MEF2A: variants seen among roughly 807,000 people sequenced by gnomAD.
MEF2A encodes myocyte-specific enhancer factor 2A.
A neutral mutation model predicts 55.8 loss-of-function variants in MEF2A; 28 were observed. That is an observed-to-expected ratio of 0.50 (90% CI 0.37 to 0.69). The LOEUF is 0.69. MEF2A is among the 30% of genes least tolerant of loss of function. MEF2A has a pLI of 0.00. For synonymous variants in MEF2A, 239 were observed against 227.1 expected (o/e 1.05, Z -0.47); for missense variants, 528 against 626.2 (o/e 0.84, Z 1.67).
rs573835478 is a variant in MEF2A, at chr15:99,684,040, G to A, written c.671-6201G>A. 1.8e-3 allele frequency among the ~76,000 whole-genome samples: 271 copies of A among 152,104 alleles called. 1 individual carries two copies. Among genetic ancestry groups the A allele is most frequent in the Admixed American group, 2.9e-3 (44 of 15,274 alleles). ...AGGTTGCTGCAAATGCCATTATTTT[G>A]TTCCCTTTTATGGCTTAGTAGTATT... On this transcript the variant is annotated intron_variant, in intron 7 of 11. Transcript: ENST00000557942.
Position 99,571,097 on chromosome 15 carries a change from T to C in MEF2A, c.-225+4993T>C, listed in dbSNP as rs376080698. ...CACTCTGGAGGCTTAGGCACGAGAATCGCTTGAACCCAGGAGGCAGAGGTT... is the reference window on the plus strand; with the variant it reads ...CACTCTGGAGGCTTAGGCACGAGAACCGCTTGAACCCAGGAGGCAGAGGTT... On this transcript the variant is annotated intron_variant, in intron 1 of 11. Coordinates refer to ENST00000557942, the MANE Select transcript of MEF2A (RefSeq NM_001319206.4). Among the ~76,000 whole-genome samples, 457 of 151,686 alleles carry C rather than the reference T, an allele frequency of 3.0e-3. 3 individuals are homozygous for C. The highest frequency in any genetic ancestry group is 0.01 in the African/African-American group (428 of 41,344).
rs138206909 is a variant in MEF2A at position 99,623,900 on chromosome 15, C to T, written c.-142-9078C>T. 6.5e-3 allele frequency among the ~76,000 whole-genome samples: 979 copies of T among 151,760 alleles called. 4 individuals carry two copies. Among genetic ancestry groups the T allele is most frequent in the Non-Finnish European group, 0.012 (792 of 67,958 alleles). ...ATGGCTCACTGCAATCTCCGCTTCC[C>T]GGGTTCAAGTGATTCTACTGCCTCA... is the stretch of plus-strand genomic sequence containing the variant. On this transcript the variant is annotated intron_variant, in intron 2 of 11. Transcript: ENST00000557942.
rs115653615 is a variant in MEF2A, at chr15:99,625,893, C to T, written c.-142-7085C>T. 6.4e-3 allele frequency among the ~76,000 whole-genome samples: 978 copies of T among 152,044 alleles called. 10 individuals carry two copies. The highest frequency in any genetic ancestry group is 0.022 in the African/African-American group (930 of 41,494). On this transcript the variant is annotated intron_variant, in intron 2 of 11. Coordinates refer to ENST00000557942, the MANE Select transcript of MEF2A (RefSeq NM_001319206.4). ...TTGCTAGTATTTTATTGAGGGTTTT[C>T]GTGTCTATTCATAGGGTATATTGGT...
chr15:99,573,525 T>C (rs1963250723), intron 1 of MEF2A, among the ~76,000 whole-genome samples: 1 of 152,216 alleles, frequency 6.6e-6, no homozygotes, highest in African/African-American at 2.4e-5. Context: ...TGAGTAGCCA[T>C]CTTGTCTGAG....
At chr15:99,629,694 A>G (rs1342669551) in intron 2 of MEF2A, among the ~76,000 whole-genome samples, 1 of 152,182 alleles carries the variant, frequency 6.6e-6, no homozygotes, top group Non-Finnish European at 1.5e-5. Flanking sequence ...TATGAGTTAA[A>G]GAATAAAAGA....
At chr15:99,674,710 C>T in intron 6 of MEF2A, 98 bp downstream of exon 6, 1 of 1,005,502 alleles carries the variant, frequency 9.9e-7, no homozygotes, top group South Asian at 1.5e-5. Flanking sequence ...TCTTTTATTG[C>T]TTTGATGAGC....
intron 4 of MEF2A, among the ~76,000 whole-genome samples, chr15:99,666,258 T>TA (rs918202148): frequency 5.9e-5 from 9 of 151,464 alleles, no homozygotes; most frequent in South Asian, 4.2e-4. Flanking sequence ...TATGCAGCCA[T>TA]AAAAAAAAGA....
chr15:99,709,199 G>A (rs548225683), intron 10 of MEF2A, among the ~76,000 whole-genome samples: 1 of 152,292 alleles, frequency 6.6e-6, no homozygotes, highest in African/African-American at 2.4e-5. Context: ...TTGAGAGAGA[G>A]CAGATAGAAT....
intron 4 of MEF2A, among the ~76,000 whole-genome samples, chr15:99,650,365 G>A (rs12593522): frequency 0.21 from 31,863 of 152,060 alleles, 3,703 homozygotes; most frequent in African/African-American, 0.3. Flanking sequence ...CACCAATCAT[G>A]TACGATCTAT....
At chr15:99,619,934 A>C (rs1454580136) in intron 2 of MEF2A, among the ~76,000 whole-genome samples, 1 of 152,232 alleles carries the variant, frequency 6.6e-6, no homozygotes, top group Non-Finnish European at 1.5e-5. Flanking sequence ...GTAACTGGAA[A>C]TTGCACAAGA....
chr15:99,709,482 C>T (rs764528883), intron 10 of MEF2A, among the ~76,000 whole-genome samples: 9 of 152,188 alleles, frequency 5.9e-5, no homozygotes, highest in Non-Finnish European at 1.0e-4. Context: ...GTCAGTGTGA[C>T]GGGTCCTTGC....
chr15:99,581,478 C>T (rs1238514874), intron 1 of MEF2A, among the ~76,000 whole-genome samples: 4 of 151,378 alleles, frequency 2.6e-5, no homozygotes, highest in African/African-American at 9.7e-5. Context: ...ACCTTCATTT[C>T]CTCATTTGAG....
intron 4 of MEF2A, among the ~76,000 whole-genome samples, chr15:99,647,705 T>A (rs2046197462): frequency 6.6e-6 from 1 of 152,200 alleles, no homozygotes; most frequent in African/African-American, 2.4e-5. Context: ...AATTACATAT[T>A]GGGATTTTGA....
intron 3 of MEF2A, among the ~76,000 whole-genome samples, chr15:99,640,924 A>C (rs1322036548): frequency 6.6e-6 from 1 of 151,982 alleles, no homozygotes; most frequent in East Asian, 1.9e-4. Context: ...TATGTCTTTT[A>C]TAGATAGTAT....
intron 9 of MEF2A, chr15:99,706,479 CAG>C: frequency 2.3e-6 from 1 of 443,886 alleles, no homozygotes; most frequent in South Asian, 2.2e-5. Flanking sequence ...ATGCCTGTAA[CAG>C]AAGTTCCTAT....
intron 8 of MEF2A, among the ~76,000 whole-genome samples, chr15:99,700,427 G>T (rs926003414): frequency 6.6e-6 from 1 of 151,580 alleles, no homozygotes; most frequent in African/African-American, 2.4e-5. Context: ...TGAGAGGATC[G>T]CTTGAGCCCA....
chr15:99,572,221 G>A (rs1010732894), intron 1 of MEF2A, among the ~76,000 whole-genome samples: 2 of 152,016 alleles, frequency 1.3e-5, no homozygotes, highest in East Asian at 1.9e-4. Flanking sequence ...CAGCCACGAA[G>A]GCCTCTCAGT....
chr15:99,654,584 G>A (rs1450783769), intron 4 of MEF2A, among the ~76,000 whole-genome samples: 2 of 151,000 alleles, frequency 1.3e-5, no homozygotes, highest in African/African-American at 4.9e-5. Context: ...AAAAAAAAGG[G>A]GGGGGTATTG....
rs1567203263 is a variant in MEF2A at position 99,602,656 on chromosome 15, GTGTGT to G, written c.-143+4146_-143+4150del. On this transcript the variant is annotated intron_variant, in intron 2 of 11. Coordinates refer to ENST00000557942, the MANE Select transcript of MEF2A (RefSeq NM_001319206.4). Reference sequence around the variant, plus strand: ...GGTGGTTGCCTGACATTCCTGGGGTGTGTGTGTGTGTGTGTGTGTGTGTGTGTGTG... The same window carrying G: ...GGTGGTTGCCTGACATTCCTGGGGTGGTGTGTGTGTGTGTGTGTGTGTGTG... Among the ~76,000 whole-genome samples the G allele has an allele frequency of 4.3e-3, 357 of 83,154 alleles. 6 individuals carry two copies. The highest frequency in any genetic ancestry group is 5.8e-3 in the Non-Finnish European group (260 of 44,644). 54.6% of individuals were successfully genotyped at this position (83,154 alleles called of 152,430 possible). A position where few individuals can be genotyped will look rare whatever the true frequency, so the allele number is the denominator to read the frequency against.
Sources: allele counts gnomAD v4.1 joint callset (sites outside exome capture counted in the v4.1 genomes callset), GRCh38; gene constraint gnomAD v4.1.1; transcripts MANE v1.5; gene names NCBI Gene and HGNC (gene_info 2026-07-23, HGNC 2026-07-21).